Variants in ZNF467 observed in about 807,000 individuals in gnomAD.
ZNF467 encodes zinc finger protein 467.
ZNF467 carries 51 observed loss-of-function variants against 47.8 expected under a neutral mutation model. The ratio of observed to expected loss-of-function variants is 1.07; its 90% CI spans 0.85 to 1.35. The LOEUF (loss-of-function observed/expected upper bound fraction) is 1.35, where lower values mean the gene tolerates loss of function less well. ZNF467 is among the 40% of genes most tolerant of loss of function. The pLI is 0.00. For synonymous variants in ZNF467, 416 were observed against 372.9 expected, an observed-to-expected ratio of 1.12 and a Z score of -1.33; for missense variants, 992 against 858.1, an observed-to-expected ratio of 1.16 and a Z score of -1.95.
At chr7:149,774,011 AG>A (rs1409186237), upstream of ZNF467, among the ~76,000 whole-genome samples, 11 of 150,248 alleles carry the variant, frequency 7.3e-5, no homozygotes, top group Admixed American at 5.3e-4. The surrounding 1 kb of genome is among the most constrained non-coding windows in gnomAD (Gnocchi z 5.7). Context: ...CCCTGGGAGA[AG>A]GCCGGGCCAG....
intron 1 of ZNF467, among the ~76,000 whole-genome samples, chr7:149,771,896 C>G (rs560351363): frequency 6.6e-6 from 1 of 150,536 alleles, no homozygotes; most frequent in Non-Finnish European, 1.5e-5. Context: ...CTCGAGGCCC[C>G]GTCCGGGTCG....
In ZNF467 at chr7:149,764,975, G is replaced by A; in HGVS notation, c.1527C>T (p.His509=). 8 of 1,591,838 alleles carry A rather than the reference G, an allele frequency of 5.0e-6. No individual in the cohort carries two copies. Among genetic ancestry groups the A allele is most frequent in the South Asian group, 1.1e-5 (1 of 90,444 alleles). Residue 509 remains histidine (H), a synonymous_variant, in exon 5 of 5, where the codon CAC becomes CAT. Coordinates refer to ENST00000302017, the MANE Select transcript of ZNF467 (RefSeq NM_207336.3). Reference sequence around the variant, plus strand: ...CGCAGGCGTGGGGGCGGCTGCCAGTGTGCACCGCCTGGTGGCGGCCCAGGT... The same window carrying A: ...CGCAGGCGTGGGGGCGGCTGCCAGTATGCACCGCCTGGTGGCGGCCCAGGT... ...KSHLGRHQAV[H]TGSRPHACAV...
Position 149,764,880 on chromosome 7 carries a change from CG to C in ZNF467, c.1621del (p.Arg541AlafsTer127). ...VRHQAIHTGSRPFSCPQCGKS... is the reference protein window; with the variant it reads ...VRHQAIHTGSXPFSCPQCGKS... ...TCCGCACTGCGGGCAGGAGAAGGGG[CG>C]GGAGCCTGTGTGGATCGCCTGGTGG... On this transcript the variant is annotated frameshift_variant, in exon 5 of 5. Coordinates refer to ENST00000302017, the MANE Select transcript of ZNF467 (RefSeq NM_207336.3). LOFTEE classifies it high-confidence loss of function. 1 of 1,561,822 alleles carries C rather than the reference CG, an allele frequency of 6.4e-7. No individual in the cohort carries two copies. The highest frequency in any genetic ancestry group is 8.7e-7 in the Non-Finnish European group (1 of 1,155,520).
At chr7:149,770,611 T>G in intron 2 of ZNF467, 55 bp from the exon 3 acceptor site, 1 of 1,469,652 alleles carries the variant, frequency 6.8e-7, no homozygotes, top group South Asian at 1.2e-5. Flanking sequence ...GAACAAGTAA[T>G]CAGAGGCGGG....
At chr7:149,774,076 G>A (rs889836358), upstream of ZNF467, among the ~76,000 whole-genome samples, 15 of 151,976 alleles carry the variant, frequency 9.9e-5, no homozygotes, top group Non-Finnish European at 1.8e-4. This position sits in a 1 kb window ranked among gnomAD's most constrained non-coding sequence, Gnocchi z 5.7. Flanking sequence ...GATTCTGAGG[G>A]CGGGGTCCGG....
chr7:149,773,049 C>T (rs1333730625), intron 1 of ZNF467, 59 bp downstream of exon 1: 2 of 150,264 alleles, frequency 1.3e-5, no homozygotes, highest in East Asian at 4.0e-4. Flanking sequence ...GTGACCCAAC[C>T]GCGGCGCTGA....
In ZNF467 at chr7:149,765,954, C is replaced by G. The variant is rs777557865; in HGVS notation, c.548G>C (p.Arg183Pro). ...LTLRLHQRLH[R>P]GEGPCACPDC... ...CGGGCAGGCGCAGGGGCCCTCGCCC[C>G]GGTGCAGCCGCTGGTGCAGTCGCAA... The change falls in exon 5 of 5, where the codon CGG becomes CCG. Residue 183 changes from arginine (R) to proline (P), a missense_variant. Coordinates refer to ENST00000302017, the MANE Select transcript of ZNF467 (RefSeq NM_207336.3). 1.2e-5 allele frequency: 19 copies of G among 1,552,110 alleles called. No homozygotes were observed. Among genetic ancestry groups the G allele is most frequent in the East Asian group, 4.9e-5 (2 of 41,116 alleles).
upstream of ZNF467, chr7:149,776,097 C>G (rs1478009962): frequency 7.3e-7 from 1 of 1,363,874 alleles, no homozygotes; most frequent in African/African-American, 1.5e-5. Context: ...GACGGGTAAG[C>G]AGCCCACCCT....
rs1341108183 is a variant in ZNF467 at position 149,773,448 on chromosome 7, C to G, written c.-383G>C. The G allele has an allele frequency of 2.4e-5, 3 of 124,974 alleles. No homozygotes were observed. Among genetic ancestry groups the G allele is most frequent in the Non-Finnish European group, 3.3e-5 (2 of 61,014 alleles). The allele number at this position is 124,974 out of a possible 1,614,324, so 7.7% of individuals were successfully genotyped here. A position where few individuals can be genotyped will look rare whatever the true frequency, so the allele number is the denominator to read the frequency against. On this transcript the variant is annotated 5_prime_UTR_variant, in exon 1 of 5. Transcript: ENST00000302017. The stretch of plus-strand genomic sequence containing the variant: ...TGGGCAGGTGATGGTCCTAAGGCTC[C>G]GAGCCTGGAGTAGGTGTGGAAGTGG...
intron 1 of ZNF467, among the ~76,000 whole-genome samples, chr7:149,772,867 C>G (rs1156808328): frequency 3.3e-5 from 4 of 122,982 alleles, no homozygotes; most frequent in African/African-American, 1.3e-4. Context: ...TCCCAGCCCC[C>G]GCCCTTCCCT....
In ZNF467 at chr7:149,764,624, C is replaced by T. The variant is rs1799086896; in HGVS notation, c.*90G>A. 1.9e-6 allele frequency: 3 copies of T among 1,549,968 alleles called. No individual in the cohort carries two copies. Among genetic ancestry groups the T allele is most frequent in the South Asian group, 2.4e-5 (2 of 84,460 alleles). ...CCGCGGCGGCCAAACCTTCGGGCAG[C>T]AGCCCAGGTCGCCTTGCTCACCCCA... On this transcript the variant is annotated 3_prime_UTR_variant, in exon 5 of 5. Coordinates refer to ENST00000302017, the MANE Select transcript of ZNF467 (RefSeq NM_207336.3).
Position 149,766,183 on chromosome 7 carries a change from C to T in ZNF467, c.319G>A (p.Glu107Lys). The change falls in exon 5 of 5, where the codon GAG (glutamate) becomes AAG (lysine). Residue 107 changes from glutamate (E) to lysine (K), a missense_variant. Physicochemically the swap from Glu to Lys is moderately conservative, Grantham distance 56. Coordinates refer to ENST00000302017, the MANE Select transcript of ZNF467 (RefSeq NM_207336.3). ...AGATGCTGGGGCCATTCGACCTCCT[C>T]TTCTGCCTCCTGATCTTCGTCCTCC... ...KVEDEDQEAE[E>K]EVEWPQHLSL... The T allele has an allele frequency of 6.4e-7, 1 of 1,552,766 alleles. No homozygotes were observed. Among genetic ancestry groups the T allele is most frequent in the Non-Finnish European group, 8.7e-7 (1 of 1,147,482 alleles).
At chr7:149,767,045 C>T (rs562336185) in intron 4 of ZNF467, among the ~76,000 whole-genome samples, 5 of 152,342 alleles carry the variant, frequency 3.3e-5, no homozygotes, top group South Asian at 4.1e-4. Flanking sequence ...TTGCCCCTGT[C>T]GGGTGCTGCA....
intron 1 of ZNF467, among the ~76,000 whole-genome samples, chr7:149,772,137 C>A (rs1799438885): frequency 8.2e-6 from 1 of 122,276 alleles, no homozygotes; most frequent in Non-Finnish European, 1.7e-5. Flanking sequence ...CAGTTCTCCT[C>A]TCCCCTCCCT....
Position 149,764,348 on chromosome 7 carries a change from T to G in ZNF467, c.*366A>C. ...CAGGTGTTCCCTCCCCCAATTCATT[T>G]AGCAGCCCCAGAACTTTCCGATTTT... On this transcript the variant is annotated 3_prime_UTR_variant, in exon 5 of 5. Transcript: ENST00000302017. The G allele has an allele frequency of 1.9e-6, 1 of 535,668 alleles. No individual in the cohort carries two copies. Among genetic ancestry groups the G allele is most frequent in the Admixed American group, 3.6e-5 (1 of 27,844 alleles). 33.2% of individuals were successfully genotyped at this position (535,668 alleles called of 1,614,324 possible).
Position 149,769,092 on chromosome 7 carries a change from G to C in ZNF467, c.260C>G (p.Pro87Arg). ...GATGAAGTGATGGGAAGACTCACCT[G>C]GGCAGGTACCCACAGGCTGAGCCTT... is the stretch of plus-strand genomic sequence containing the variant. ...AQKAQPVGTC[P>R]GEEWMIRKVK... Residue 87 changes from proline to arginine, a missense_variant and splice_region_variant, in exon 4 of 5, where the codon CCA (proline) becomes CGA (arginine). Physicochemically the swap from Pro to Arg is moderately radical, Grantham distance 103 (BLOSUM62 -2). Transcript: ENST00000302017. This position sits in a 1 kb window ranked among gnomAD's most constrained non-coding sequence, Gnocchi z 5.3. 1 of 1,547,752 alleles carries C rather than the reference G, an allele frequency of 6.5e-7. No homozygotes were observed. The highest frequency in any genetic ancestry group is 1.4e-5 in the African/African-American group (1 of 73,050).
chr7:149,771,052 T>A lies in ZNF467; in HGVS notation c.-20A>T. 1.2e-6 allele frequency: 2 copies of A among 1,613,978 alleles called. No individual in the cohort carries two copies. The highest frequency in any genetic ancestry group is 1.7e-6 in the Non-Finnish European group (2 of 1,179,930). On this transcript the variant is annotated 5_prime_UTR_variant, in exon 2 of 5. Transcript: ENST00000302017. ...TCTCATGGTAACCCAGAGTAGCTCC[T>A]CCTGGGGATCAGGCCACAGAACCTA...
Position 149,764,868 on chromosome 7 carries a change from C to T in ZNF467, c.1634G>A (p.Cys545Tyr), listed in dbSNP as rs762973603. 1 of 1,555,656 alleles carries T rather than the reference C, an allele frequency of 6.4e-7. No homozygotes were observed. The highest frequency in any genetic ancestry group is 1.2e-5 in the South Asian group (1 of 85,020). ...GCTGAAGCTCTTTCCGCACTGCGGG[C>T]AGGAGAAGGGGCGGGAGCCTGTGTG... is the stretch of plus-strand genomic sequence containing the variant. ...AIHTGSRPFS[C>Y]PQCGKSFSRK... Residue 545 changes from cysteine to tyrosine, a missense_variant, in exon 5 of 5, where the codon TGC (cysteine) becomes TAC (tyrosine). Transcript: ENST00000302017.
chr7:149,771,048 C>T lies in ZNF467; in HGVS notation c.-16G>A, dbSNP rs139567467. 3.3e-4 allele frequency: 534 copies of T among 1,614,026 alleles called. 5 individuals are homozygous for T. The East Asian group carries it at 0.01, about 31-fold the overall frequency. ...TCTCTCTCATGGTAACCCAGAGTAG[C>T]TCCTCCTGGGGATCAGGCCACAGAA... On this transcript the variant is annotated 5_prime_UTR_variant, in exon 2 of 5. Coordinates refer to ENST00000302017, the MANE Select transcript of ZNF467 (RefSeq NM_207336.3).
Sources: gnomAD v4.1 joint callset for allele counts (sites outside exome capture counted in the v4.1 genomes callset) on GRCh38, gnomAD v4.1.1 for gene constraint, Gnocchi (gnomAD v3.1) non-coding constraint, MANE v1.5 for transcripts, NCBI Gene and HGNC (gene_info 2026-07-23, HGNC 2026-07-21) for gene names.